The following USP15 variants were observed in gnomAD, a reference collection of about 807,000 sequenced individuals.
USP15 encodes ubiquitin specific peptidase 15.
Under a neutral mutation model 127.1 loss-of-function variants are expected in USP15, and 18 were observed. That is an observed-to-expected ratio of 0.14 (90% confidence interval 0.10 to 0.21). The LOEUF is 0.21. Among genes scored for constraint, USP15 ranks in the 10% least tolerant of loss-of-function variants. USP15 has a pLI of 1.00. For synonymous variants in USP15, 364 were observed against 393.7 expected, an observed-to-expected ratio of 0.92 and a Z score of 0.89; for missense variants, 805 against 1,159.9, an observed-to-expected ratio of 0.69 and a Z score of 4.44.
chr12:62,308,865 A>G (rs1230905625), intron 3 of USP15, among the ~76,000 whole-genome samples: 1 of 152,116 alleles, frequency 6.6e-6, no homozygotes, highest in Non-Finnish European at 1.5e-5. Flanking sequence ...ACTATCTAGA[A>G]ATGGAAAAAT....
intron 6 of USP15, among the ~76,000 whole-genome samples, chr12:62,332,218 C>A (rs1274691843): frequency 2.0e-5 from 3 of 150,506 alleles, no homozygotes; most frequent in African/African-American, 7.3e-5. Context: ...TAGATATCAA[C>A]AAAGAATTTG....
chr12:62,277,733 T>C (rs1458765344), intron 1 of USP15: 1 of 151,886 alleles, frequency 6.6e-6, no homozygotes, highest in Non-Finnish European at 1.5e-5. Context: ...AAAAATCTCA[T>C]AATGTTTTAA....
chr12:62,384,250 G>A lies in USP15; in HGVS notation c.1421G>A (p.Arg474His), dbSNP rs369876015. Residue 474 changes from arginine to histidine, a missense_variant, in exon 11 of 22, where the codon CGC (arginine) becomes CAC (histidine). Around this residue, in one of 11 missense-constraint regions of USP15, gnomAD observed 84 missense variants for 210.3 expected, o/e 0.40. Transcript: ENST00000280377. The stretch of plus-strand genomic sequence containing the variant: ...CTTCCATTGCCCATGAAAAAAGAAC[G>A]CACCTTGGAAGTTTACTTAGTTAGA... ...LTLPLPMKKE[R>H]TLEVYLVRMD... 1.9e-6 allele frequency: 3 copies of A among 1,610,456 alleles called. No homozygotes were observed. The highest frequency in any genetic ancestry group is 2.2e-5 in the East Asian group (1 of 44,692).
intron 2 of USP15, among the ~76,000 whole-genome samples, chr12:62,295,775 G>C (rs193268121): frequency 1.3e-5 from 2 of 152,266 alleles, no homozygotes; most frequent in African/African-American, 4.8e-5. Context: ...TTAAATGCAA[G>C]AACACAGATA....
At chr12:62,346,201 C>T (rs1183871750) in intron 6 of USP15, among the ~76,000 whole-genome samples, 18 of 152,116 alleles carry the variant, frequency 1.2e-4, no homozygotes, top group African/African-American at 4.1e-4. Context: ...GCAAACTTCC[C>T]AGTTTGTCAG....
intron 6 of USP15, among the ~76,000 whole-genome samples, chr12:62,344,038 C>CT (rs2065734444): frequency 6.6e-6 from 1 of 152,064 alleles, no homozygotes; most frequent in Admixed American, 6.5e-5. Flanking sequence ...CCATATCATT[C>CT]TGCCCCTGGC....
chr12:62,277,788 G>A (rs1030860680), intron 1 of USP15, among the ~76,000 whole-genome samples: 16 of 152,160 alleles, frequency 1.1e-4, no homozygotes, highest in African/African-American at 3.4e-4. Flanking sequence ...AGGTGTCCTG[G>A]GCCACCTGTG....
At chr12:62,277,470 T>TA (rs1461786337) in intron 1 of USP15, 1 of 152,100 alleles carries the variant, frequency 6.6e-6, no homozygotes, top group Non-Finnish European at 1.5e-5. Flanking sequence ...AAAAGAACAG[T>TA]AAAAATGGCA....
At chr12:62,398,518 T>G (rs185111833) in intron 20 of USP15, among the ~76,000 whole-genome samples, 18 of 152,372 alleles carry the variant, frequency 1.2e-4, no homozygotes, top group African/African-American at 3.8e-4. Flanking sequence ...TTCAATTGTA[T>G]GTATGTTTTA....
intron 5 of USP15, among the ~76,000 whole-genome samples, chr12:62,323,588 A>G (rs1195714290): frequency 6.6e-6 from 1 of 152,176 alleles, no homozygotes; most frequent in African/African-American, 2.4e-5. Context: ...TTGGAAATCC[A>G]CTGATTAGCC....
intron 20 of USP15, 114 bp downstream of exon 20, chr12:62,396,512 A>G (rs2067495247): frequency 3.4e-6 from 3 of 885,926 alleles, no homozygotes; most frequent in Non-Finnish European, 5.4e-6. Flanking sequence ...TGTCTTGCAT[A>G]TAGTAGTTCA....
At chr12:62,287,389 C>A (rs187666047) in intron 1 of USP15, among the ~76,000 whole-genome samples, 33 of 152,130 alleles carry the variant, frequency 2.2e-4, no homozygotes, top group Admixed American at 1.0e-3. Context: ...AATCTGTGTT[C>A]TTTGCCCACA....
intron 1 of USP15, among the ~76,000 whole-genome samples, chr12:62,275,514 T>TA (rs1237107209): frequency 6.6e-6 from 1 of 151,958 alleles, no homozygotes; most frequent in Non-Finnish European, 1.5e-5. Context: ...GAGGGCCCAT[T>TA]AGACTAGGAA....
Position 62,301,085 on chromosome 12 carries a change from C to T in USP15, c.218-1705C>T, listed in dbSNP as rs117935758. On this transcript the variant is annotated intron_variant, in intron 2 of 21. Coordinates refer to ENST00000280377, the MANE Select transcript of USP15 (RefSeq NM_001252078.2). ...CAAAAGATTTGAACACATAATTCAC[C>T]AAAGAAGATATAGGTTTCAAAAAGC... Among the ~76,000 whole-genome samples, 24 of 152,126 alleles carry T rather than the reference C, an allele frequency of 1.6e-4. No homozygotes were observed. In the East Asian group the frequency reaches 3.7e-3, roughly 23 times the overall value.
chr12:62,338,938 G>T (rs1278516245), intron 6 of USP15, among the ~76,000 whole-genome samples: 1 of 152,146 alleles, frequency 6.6e-6, no homozygotes, highest in African/African-American at 2.4e-5. Context: ...GCTTAGGACT[G>T]TCTTGGCTAT....
intron 6 of USP15, among the ~76,000 whole-genome samples, chr12:62,327,339 T>G (rs1395852351): frequency 6.6e-6 from 1 of 152,056 alleles, no homozygotes; most frequent in Non-Finnish European, 1.5e-5. Flanking sequence ...AGTATAAAAG[T>G]AGAACTTTTA....
intron 1 of USP15, among the ~76,000 whole-genome samples, chr12:62,260,842 C>A (rs1182872365): frequency 6.6e-6 from 1 of 152,130 alleles, no homozygotes; most frequent in Non-Finnish European, 1.5e-5. Flanking sequence ...TGGTTTGAGT[C>A]TTATATACGC....
chr12:62,359,064 A>G (rs2066229329), intron 8 of USP15, among the ~76,000 whole-genome samples: 1 of 152,048 alleles, frequency 6.6e-6, no homozygotes, highest in Non-Finnish European at 1.5e-5. Flanking sequence ...TTTTTAAGTT[A>G]CCGTGGAAAG....
rs954104684 is a variant in USP15 at position 62,336,167 on chromosome 12, A to C, written c.683+10234A>C. On this transcript the variant is annotated intron_variant, in intron 6 of 21. Transcript: ENST00000280377. Reference sequence around the variant, plus strand: ...TTATCATACCATAGTAGGTGTTCAAAATTAGGTGATTCTATGCTAATCCTC... The same window carrying C: ...TTATCATACCATAGTAGGTGTTCAACATTAGGTGATTCTATGCTAATCCTC... 5.1e-6 allele frequency: 5 copies of C among 985,396 alleles called. No individual in the cohort carries two copies. In the African/African-American group the frequency reaches 7.0e-5, roughly 14 times the overall value. 61.0% of individuals were successfully genotyped at this position (985,396 alleles called of 1,614,324 possible).
Sources: allele counts gnomAD v4.1 joint callset (sites outside exome capture counted in the v4.1 genomes callset), GRCh38; gene constraint gnomAD v4.1.1; regional missense constraint gnomAD v4.1.1; transcripts MANE v1.5; gene names NCBI Gene and HGNC (gene_info 2026-07-23, HGNC 2026-07-21).